Variants in GTF2A1L observed in about 807,000 individuals in gnomAD.
GTF2A1L encodes the protein general transcription factor IIA subunit 1 like, also known as TFIIA-alpha and beta-like factor.
A neutral mutation model predicts 49.7 loss-of-function variants in GTF2A1L; 48 were observed. The ratio of observed to expected loss-of-function variants is 0.97; its 90% CI spans 0.77 to 1.23. The LOEUF (loss-of-function observed/expected upper bound fraction) is 1.23, where lower values mean the gene tolerates loss of function less well. GTF2A1L is among the 50% of genes most tolerant of loss of function. GTF2A1L has a pLI of 0.00. For missense variants in GTF2A1L, 736 were observed against 564.8 expected (o/e 1.30, Z -3.07); for synonymous variants, 246 against 193.5 (o/e 1.27, Z -2.25).
At chr2:48,622,412 A>G (rs1558695454) in intron 3 of GTF2A1L, among the ~76,000 whole-genome samples, 2 of 152,212 alleles carry the variant, frequency 1.3e-5, no homozygotes, top group African/African-American at 4.8e-5. Context: ...ATTTTAAACT[A>G]CTATTTCATT....
At chr2:48,625,307 A>T (rs946777809) in intron 3 of GTF2A1L, among the ~76,000 whole-genome samples, 2 of 143,754 alleles carry the variant, frequency 1.4e-5, no homozygotes, top group African/African-American at 4.9e-5. Flanking sequence ...TCCTCTGATG[A>T]ATAGTGATGT....
At position 48,647,015 on chromosome 2, in the gene GTF2A1L, A is replaced by G. The variant is rs1199432261; in HGVS notation, c.951A>G (p.Glu317=). The G allele has an allele frequency of 1.2e-6, 2 of 1,612,126 alleles. No homozygotes were observed. The highest frequency in any genetic ancestry group is 1.7e-6 in the Non-Finnish European group (2 of 1,179,094). The change falls in exon 6 of 9, where the codon GAA becomes GAG. Residue 317 remains glutamate (E), a synonymous_variant. Coordinates refer to ENST00000403751, the MANE Select transcript of GTF2A1L (RefSeq NM_006872.5). ...TAAAGCAACCAAGAAATATAGAGGA[A>G]CCCAGCAACATACCTGTATCAGAGA... The part of the protein sequence containing the change: ...DSVKQPRNIE[E]PSNIPVSEKD...
At chr2:48,674,480 C>G (rs1679355546) in intron 8 of GTF2A1L, among the ~76,000 whole-genome samples, 1 of 151,912 alleles carries the variant, frequency 6.6e-6, no homozygotes, top group African/African-American at 2.4e-5. Flanking sequence ...AGGTCACTTT[C>G]TCCACTATAA....
At chr2:48,627,260 A>T (rs1339014857) in intron 3 of GTF2A1L, among the ~76,000 whole-genome samples, 2 of 144,368 alleles carry the variant, frequency 1.4e-5, no homozygotes, top group African/African-American at 4.9e-5. Context: ...AAAACTCAAC[A>T]AATGGTAGTT....
chr2:48,650,239 G>A (rs2104218752), intron 6 of GTF2A1L, among the ~76,000 whole-genome samples: 1 of 152,172 alleles, frequency 6.6e-6, no homozygotes, highest in African/African-American at 2.4e-5. Context: ...TTAAGGATAG[G>A]ATCTAGAATT....
chr2:48,678,206 G>C (rs1313291353), intron 8 of GTF2A1L, among the ~76,000 whole-genome samples: 2 of 151,796 alleles, frequency 1.3e-5, no homozygotes, highest in Non-Finnish European at 2.9e-5. Context: ...ACTAGATAAA[G>C]GTACCACAAT....
At chr2:48,622,420 A>T (rs574945849) in intron 3 of GTF2A1L, among the ~76,000 whole-genome samples, 1 of 152,276 alleles carries the variant, frequency 6.6e-6, no homozygotes, top group East Asian at 1.9e-4. Flanking sequence ...CTACTATTTC[A>T]TTGGGACATC....
At chr2:48,624,360 A>T (rs1018290037) in intron 3 of GTF2A1L, among the ~76,000 whole-genome samples, 1 of 144,448 alleles carries the variant, frequency 6.9e-6, no homozygotes, top group Non-Finnish European at 1.6e-5. Context: ...TCATCAATTA[A>T]TGTCGGCTTA....
intron 4 of GTF2A1L, among the ~76,000 whole-genome samples, chr2:48,643,817 A>T (rs1677340153): frequency 1.4e-5 from 2 of 147,044 alleles, no homozygotes; most frequent in Non-Finnish European, 3.0e-5. Flanking sequence ...CTTCTGCTTC[A>T]GCCTCCCGAG....
At chr2:48,656,149 C>A (rs373552675) in intron 6 of GTF2A1L, among the ~76,000 whole-genome samples, 17 of 152,188 alleles carry the variant, frequency 1.1e-4, no homozygotes, top group African/African-American at 3.9e-4. Flanking sequence ...ACATGGCGTA[C>A]AAATATCTCT....
At chr2:48,667,401 A>G (rs1450325869) in intron 6 of GTF2A1L, among the ~76,000 whole-genome samples, 2 of 152,142 alleles carry the variant, frequency 1.3e-5, no homozygotes, top group Admixed American at 1.3e-4. Context: ...CCCTCCTTGG[A>G]TTTCAGGCTG....
At chr2:48,658,017 A>T (rs1678276674) in intron 6 of GTF2A1L, among the ~76,000 whole-genome samples, 1 of 152,158 alleles carries the variant, frequency 6.6e-6, no homozygotes, top group African/African-American at 2.4e-5. Flanking sequence ...ACTTTGTCAG[A>T]TGCACAGTTT....
chr2:48,671,621 G>T lies in GTF2A1L; in HGVS notation c.1270G>T (p.Glu424Ter). ...DPLNSGDDVS[E>*]QDVPDLFDTD... is the part of the protein sequence containing the mutation. ...TTTAAATTCTGGAGATGATGTTAGT[G>T]AACAGGATGTGCCAGACCTGTTTGA... The change falls in exon 8 of 9, where the codon GAA (glutamate) becomes TAA (stop). Residue 424 changes from glutamate (E) to a stop codon, truncating the protein, a stop_gained. Coordinates refer to ENST00000403751, the MANE Select transcript of GTF2A1L (RefSeq NM_006872.5). LOFTEE classifies it high-confidence loss of function. The T allele has an allele frequency of 6.2e-7, 1 of 1,613,506 alleles. No homozygotes were observed. The highest frequency in any genetic ancestry group is 8.5e-7 in the Non-Finnish European group (1 of 1,179,628).
At position 48,617,896 on chromosome 2, in the gene GTF2A1L, G is replaced by T; in HGVS notation, c.21+1G>T. 1 of 1,551,844 alleles carries T rather than the reference G, an allele frequency of 6.4e-7. No homozygotes were observed. The highest frequency in any genetic ancestry group is 8.7e-7 in the Non-Finnish European group (1 of 1,147,054). On this transcript the variant is annotated splice_donor_variant, in intron 1 of 8. Transcript: ENST00000403751. LOFTEE classifies it high-confidence loss of function. ...TGTCATGGCCTGCCTCAACCCGGTG[G>T]TAAGGAAGACCTCAGGCTCTGTGTA...
rs1677388204 is a variant in GTF2A1L, at chr2:48,644,624, A to AG, written c.304-406dup. Among the ~76,000 whole-genome samples the AG allele has an allele frequency of 3.3e-5, 5 of 152,188 alleles. No homozygotes were observed. In the South Asian group the frequency reaches 1.0e-3, roughly 32 times the overall value. On this transcript the variant is annotated intron_variant, in intron 4 of 8. Transcript: ENST00000403751. ...TATATTGCAAAAATTATCCTCCAAA[A>AG]GGGTTGTACCAATATACATTCATAC...
intron 8 of GTF2A1L, among the ~76,000 whole-genome samples, chr2:48,677,955 TC>T (rs1468771123): frequency 6.7e-6 from 1 of 149,866 alleles, no homozygotes; most frequent in African/African-American, 2.4e-5. Flanking sequence ...AGTATAAGTG[TC>T]ATAGTTGTAA....
At chr2:48,657,763 G>GTT (rs35946031) in intron 6 of GTF2A1L, among the ~76,000 whole-genome samples, 1 of 146,664 alleles carries the variant, frequency 6.8e-6, no homozygotes, top group African/African-American at 2.5e-5. Context: ...GGAATCTCTT[G>GTT]TTTTTTTTTT....
chr2:48,643,913 G>A (rs961305804), intron 4 of GTF2A1L, among the ~76,000 whole-genome samples: 2 of 151,944 alleles, frequency 1.3e-5, no homozygotes, highest in Non-Finnish European at 2.9e-5. Flanking sequence ...TGGCCAGGGT[G>A]GTCTCAAACT....
Position 48,646,435 on chromosome 2 carries a change from T to C in GTF2A1L, c.389-18T>C, listed in dbSNP as rs767750885. On this transcript the variant is annotated intron_variant, in intron 5 of 8. Transcript: ENST00000403751. Reference sequence around the variant, plus strand: ...TTTAATTCTATTATACTTACAATTTTGCTTTCTCCTTTTTAAGGTCACCTT... The same window carrying C: ...TTTAATTCTATTATACTTACAATTTCGCTTTCTCCTTTTTAAGGTCACCTT... The C allele has an allele frequency of 7.8e-6, 12 of 1,544,764 alleles. 1 individual carries two copies. The Admixed American group carries it at 2.6e-4, about 34-fold the overall frequency.
Sources: allele counts gnomAD v4.1 joint callset (sites outside exome capture counted in the v4.1 genomes callset), GRCh38; gene constraint gnomAD v4.1.1; transcripts MANE v1.5; gene names NCBI Gene and HGNC (gene_info 2026-07-23, HGNC 2026-07-21).